The following TAF4 variants were observed in gnomAD, a reference collection of about 807,000 sequenced individuals.
TAF4 encodes transcription initiation factor TFIID subunit 4.
Under a neutral mutation model 90.3 loss-of-function variants are expected in TAF4, and 9 were observed. The ratio of observed to expected loss-of-function variants is 0.10; its 90% CI spans 0.06 to 0.17. TAF4 has a LOEUF of 0.17. Ranked by LOEUF, TAF4 falls within the 10% of genes least tolerant of loss-of-function variation. The pLI, the probability that TAF4 is intolerant of heterozygous loss-of-function variation, is 1.00. For missense variants in TAF4, 1,351 were observed against 1,370.7 expected, an observed-to-expected ratio of 0.99 and a Z score of 0.23; for synonymous variants, 818 against 638.9, an observed-to-expected ratio of 1.28 and a Z score of -4.23.
intron 1 of TAF4, among the ~76,000 whole-genome samples, chr20:62,054,362 A>G (rs912028437): frequency 3.9e-5 from 6 of 152,156 alleles, no homozygotes; most frequent in Non-Finnish European, 8.8e-5. Flanking sequence ...CTAGAGATCT[A>G]CAGATCTGTG....
At chr20:61,995,946 C>T (rs563411647) in intron 14 of TAF4, among the ~76,000 whole-genome samples, 22 of 152,142 alleles carry the variant, frequency 1.4e-4, no homozygotes, top group African/African-American at 5.1e-4. Context: ...AAGACACTGA[C>T]CTACAGATCT....
chr20:61,985,979 A>AACCAAAGGAAACACCATCCCCC (rs2055588759), intron 14 of TAF4, among the ~76,000 whole-genome samples: 2 of 104,640 alleles, frequency 1.9e-5, no homozygotes, highest in Non-Finnish European at 3.8e-5. Context: ...CACCATCCCC[A>AACCAAAGGAAACACCATCCCCC]ATCAAAGGAA....
intron 1 of TAF4, among the ~76,000 whole-genome samples, chr20:62,036,317 G>A (rs144833072): frequency 2.8e-4 from 43 of 152,328 alleles, no homozygotes; most frequent in Admixed American, 2.0e-3. Context: ...GAGCCACCGC[G>A]CCTGGCTCAT....
rs773068689 is a variant in TAF4 at position 61,999,212 on chromosome 20, G to A, written c.2788-104C>T. The stretch of plus-strand genomic sequence containing the variant: ...CATCCGTGCACAACGCCCTCCCTCC[G>A]TCCAGTCTGAATGCGGCGAGGACCC... On this transcript the variant is annotated intron_variant, in intron 11 of 14. Transcript: ENST00000252996. The A allele has an allele frequency of 1.8e-5, 26 of 1,450,752 alleles. No homozygotes were observed. The East Asian group carries it at 2.3e-4, about 13-fold the overall frequency. 89.9% of individuals were successfully genotyped at this position (1,450,752 alleles called of 1,614,324 possible).
intron 14 of TAF4, among the ~76,000 whole-genome samples, chr20:61,993,349 C>T (rs1377518491): frequency 2.6e-5 from 4 of 152,120 alleles, no homozygotes; most frequent in African/African-American, 9.7e-5. Context: ...CAGCCACCAA[C>T]GCGCAGGAAG....
chr20:62,032,142 CAGTT>C (rs2055907930), intron 1 of TAF4, among the ~76,000 whole-genome samples: 1 of 152,214 alleles, frequency 6.6e-6, no homozygotes. Flanking sequence ...AACTTAAAAA[CAGTT>C]AGTGAAGTCA....
chr20:61,980,668 G>A (rs778279182), intron 14 of TAF4: 8 of 152,288 alleles, frequency 5.3e-5, no homozygotes, highest in South Asian at 2.1e-4. Context: ...CGTGGCTGCC[G>A]AGCTGATGTC....
chr20:62,036,784 G>A (rs1028193865), intron 1 of TAF4, among the ~76,000 whole-genome samples: 1 of 152,234 alleles, frequency 6.6e-6, no homozygotes, highest in African/African-American at 2.4e-5. Flanking sequence ...AGGAAAAGAA[G>A]GTGCATAGAC....
rs1791610447 is a variant in TAF4 at position 61,976,129 on chromosome 20, T to C, written c.*39A>G. 4 of 1,604,512 alleles carry C rather than the reference T, an allele frequency of 2.5e-6. No individual in the cohort carries two copies. Among genetic ancestry groups the C allele is most frequent in the African/African-American group, 1.3e-5 (1 of 74,672 alleles). ...ATTTGCTCGTTACAAAAAGGCGTAA[T>C]CTGCAAATATATAAAAAGTCCCCAG... On this transcript the variant is annotated 3_prime_UTR_variant, in exon 15 of 15. Transcript: ENST00000252996.
intron 14 of TAF4, chr20:61,979,173 G>C (rs912749444): frequency 6.5e-6 from 1 of 153,238 alleles, no homozygotes; most frequent in Admixed American, 6.5e-5. Context: ...AGCGGACCAA[G>C]GCCTTCTGTG....
At chr20:62,036,581 T>C (rs917584971) in intron 1 of TAF4, among the ~76,000 whole-genome samples, 1 of 152,136 alleles carries the variant, frequency 6.6e-6, no homozygotes, top group Non-Finnish European at 1.5e-5. Context: ...CAACTGTATA[T>C]AAAAAGGATA....
At chr20:62,001,839 C>CA (rs11381984) in intron 9 of TAF4, among the ~76,000 whole-genome samples, 92,357 of 151,566 alleles carry the variant, frequency 0.61, 28,352 homozygotes, top group Middle Eastern at 0.76. Context: ...CCCAGTCCCG[C>CA]AATCAGCCTT....
intron 1 of TAF4, among the ~76,000 whole-genome samples, chr20:62,062,471 G>C (rs981122218): frequency 6.6e-5 from 10 of 151,818 alleles, no homozygotes; most frequent in Non-Finnish European, 1.0e-4. Context: ...TAGATCAACT[G>C]CAGGAGGCCA....
intron 1 of TAF4, among the ~76,000 whole-genome samples, chr20:62,020,840 A>C (rs1323658717): frequency 6.6e-6 from 1 of 152,248 alleles, no homozygotes; most frequent in Non-Finnish European, 1.5e-5. Flanking sequence ...TTGGAAGAAC[A>C]GATGAGAAAA....
intron 2 of TAF4, 145 bp from the exon 3 acceptor site, chr20:62,013,079 A>G: frequency 8.2e-7 from 1 of 1,221,186 alleles, no homozygotes; most frequent in Admixed American, 3.1e-5. Context: ...AAGCCACTGT[A>G]ATTCTAAAGT....
chr20:61,998,605 G>A (rs1217523594), intron 12 of TAF4, among the ~76,000 whole-genome samples: 1 of 152,176 alleles, frequency 6.6e-6, no homozygotes, highest in Non-Finnish European at 1.5e-5. Context: ...CTGGGGAACT[G>A]TGGTCTCCTG....
At chr20:62,060,400 C>T (rs1342256732) in intron 1 of TAF4, among the ~76,000 whole-genome samples, 4 of 152,234 alleles carry the variant, frequency 2.6e-5, no homozygotes, top group African/African-American at 9.6e-5. Context: ...CTCCTAAGAG[C>T]GTCACAGGAC....
chr20:62,053,785 T>C (rs920202652), intron 1 of TAF4, among the ~76,000 whole-genome samples: 4 of 152,204 alleles, frequency 2.6e-5, no homozygotes, highest in Non-Finnish European at 1.5e-5. Context: ...CACCCAGCAC[T>C]CTGTGCAGAC....
Position 62,065,857 on chromosome 20 carries a change from C to T in TAF4, c.-47G>A. Reference sequence around the variant, plus strand: ...GCCGCCGCCGCTCGGGCCGAGCGCGCCTGGGCGAGGAGGAGGTTCCGACTG... The same window carrying T: ...GCCGCCGCCGCTCGGGCCGAGCGCGTCTGGGCGAGGAGGAGGTTCCGACTG... On this transcript the variant is annotated 5_prime_UTR_variant, in exon 1 of 15. Coordinates refer to ENST00000252996, the MANE Select transcript of TAF4 (RefSeq NM_003185.4). 8.3e-7 allele frequency: 1 copy of T among 1,209,306 alleles called. No individual in the cohort carries two copies. Among genetic ancestry groups the T allele is most frequent in the Non-Finnish European group, 1.1e-6 (1 of 950,570 alleles). The allele number at this position is 1,209,306 out of a possible 1,614,324, so 74.9% of individuals were successfully genotyped here. A position where few individuals can be genotyped will look rare whatever the true frequency, so the allele number is the denominator to read the frequency against.
Sources: gnomAD v4.1 joint callset for allele counts (sites outside exome capture counted in the v4.1 genomes callset) on GRCh38, gnomAD v4.1.1 for gene constraint, MANE v1.5 for transcripts, NCBI Gene and HGNC (gene_info 2026-07-23, HGNC 2026-07-21) for gene names.